MDH1B: variants seen among roughly 807,000 people sequenced by gnomAD.
The protein encoded by MDH1B is putative malate dehydrogenase 1B.
A neutral mutation model predicts 61.4 loss-of-function variants in MDH1B; 60 were observed. The ratio of observed to expected loss-of-function variants is 0.98; its 90% CI spans 0.79 to 1.21. The LOEUF is 1.21. Ranked by LOEUF, MDH1B falls within the 50% of genes most tolerant of loss-of-function variation. MDH1B has a pLI of 0.00. For synonymous variants in MDH1B, 236 were observed against 218.7 expected (o/e 1.08, Z -0.70); for missense variants, 587 against 632.1 (o/e 0.93, Z 0.76).
At chr2:206,744,267 T>C (rs560756263) in intron 9 of MDH1B, among the ~76,000 whole-genome samples, 3 of 152,350 alleles carry the variant, frequency 2.0e-5, no homozygotes, top group Admixed American at 6.5e-5. Context: ...GGCCAGCCTC[T>C]TGATGGACTG....
chr2:206,764,549 T>C (rs552579336), intron 1 of MDH1B, among the ~76,000 whole-genome samples: 1 of 152,318 alleles, frequency 6.6e-6, no homozygotes, highest in South Asian at 2.1e-4. Flanking sequence ...TGGATTGTTG[T>C]AATAAAAGCC....
chr2:206,744,316 C>T (rs201776381), intron 9 of MDH1B, among the ~76,000 whole-genome samples: 1 of 152,176 alleles, frequency 6.6e-6, no homozygotes, highest in East Asian at 1.9e-4. Context: ...ATCTCATTCA[C>T]CTCTGTATTT....
At chr2:206,744,874 G>A (rs900498495) in intron 9 of MDH1B, among the ~76,000 whole-genome samples, 2 of 151,946 alleles carry the variant, frequency 1.3e-5, no homozygotes, top group South Asian at 2.1e-4. Flanking sequence ...GTGGTGAGCC[G>A]AGATGGCACC....
At chr2:206,757,164 A>T in intron 3 of MDH1B, 73 bp downstream of exon 3, 2 of 1,532,016 alleles carry the variant, frequency 1.3e-6, no homozygotes, top group East Asian at 2.3e-5. Flanking sequence ...ATGTCTCAGA[A>T]AGCAAGATAT....
chr2:206,747,098 C>T (rs1688156898), intron 7 of MDH1B, among the ~76,000 whole-genome samples: 1 of 152,056 alleles, frequency 6.6e-6, no homozygotes, highest in Non-Finnish European at 1.5e-5. Flanking sequence ...GTTTCTGGTG[C>T]CTCGATCACA....
chr2:206,745,859 G>A (rs556803349), intron 8 of MDH1B, among the ~76,000 whole-genome samples, 186 bp from the exon 9 acceptor site: 2 of 150,766 alleles, frequency 1.3e-5, no homozygotes, highest in South Asian at 2.1e-4. Flanking sequence ...TCAGCCTCCC[G>A]AGTAGCTGGG....
chr2:206,746,806 C>T (rs1009716153), intron 7 of MDH1B, among the ~76,000 whole-genome samples: 4 of 152,124 alleles, frequency 2.6e-5, no homozygotes, highest in African/African-American at 9.7e-5. Context: ...ACAGCACTCA[C>T]ACAGCCAGAG....
chr2:206,745,563 C>G, intron 9 of MDH1B, 59 bp downstream of exon 9: 1 of 1,279,390 alleles, frequency 7.8e-7, no homozygotes, highest in Non-Finnish European at 1.1e-6. Context: ...TCAGTTATAA[C>G]AAATATTTTA....
rs1688074889 is a variant in MDH1B, at chr2:206,745,796, CA to C, written c.1357-124del. The C allele has an allele frequency of 4.5e-6, 3 of 661,380 alleles. No homozygotes were observed. In the East Asian group the frequency reaches 8.6e-5, roughly 19 times the overall value. 41.0% of individuals were successfully genotyped at this position (661,380 alleles called of 1,614,324 possible). On this transcript the variant is annotated intron_variant, in intron 8 of 11. Transcript: ENST00000374412. ...TTGCCCAGGCTGGAGTGCAGTGGCG[CA>C]ATCTCAGCTCACCACAACCTCTCCC... is the stretch of plus-strand genomic sequence containing the variant.
intron 5 of MDH1B, among the ~76,000 whole-genome samples, chr2:206,752,742 T>C (rs1688522761): frequency 6.6e-6 from 1 of 151,968 alleles, no homozygotes; most frequent in African/African-American, 2.4e-5. Context: ...CTACAGAGAA[T>C]GATAGTGGAC....
At chr2:206,738,594 T>C (rs1024711465) in intron 11 of MDH1B, 83 bp from the exon 12 acceptor site, 2 of 962,018 alleles carry the variant, frequency 2.1e-6, no homozygotes, top group Non-Finnish European at 3.2e-6. Flanking sequence ...TTTTGTTTGC[T>C]GGATTCCTGT....
At chr2:206,765,000 G>A (rs938151945) in intron 1 of MDH1B, among the ~76,000 whole-genome samples, 14 of 152,128 alleles carry the variant, frequency 9.2e-5, no homozygotes, top group African/African-American at 2.2e-4. Flanking sequence ...TAATCACACC[G>A]TATCAAAAGT....
intron 1 of MDH1B, among the ~76,000 whole-genome samples, chr2:206,761,611 T>C (rs1037296577): frequency 6.6e-6 from 1 of 152,092 alleles, no homozygotes; most frequent in Non-Finnish European, 1.5e-5. Flanking sequence ...TGGATATATA[T>C]GTATATGTAT....
chr2:206,760,601 A>T (rs1689033468), intron 2 of MDH1B, among the ~76,000 whole-genome samples: 1 of 152,206 alleles, frequency 6.6e-6, no homozygotes, highest in East Asian at 1.9e-4. Flanking sequence ...ATTGGAAATC[A>T]ATACCAAGGA....
chr2:206,763,571 A>G (rs572498893), intron 1 of MDH1B, among the ~76,000 whole-genome samples: 3 of 152,266 alleles, frequency 2.0e-5, no homozygotes, highest in African/African-American at 7.2e-5. Flanking sequence ...CTCCCCTTCT[A>G]AAAACCTTTC....
At chr2:206,748,933 G>A (rs985339484) in intron 7 of MDH1B, 87 bp downstream of exon 7, 4 of 1,157,508 alleles carry the variant, frequency 3.5e-6, no homozygotes, top group Middle Eastern at 4.1e-4. Context: ...CATGTTAAGA[G>A]CTAGATGGGT....
chr2:206,745,823 T>C, intron 8 of MDH1B, 150 bp from the exon 9 acceptor site: 1 of 598,984 alleles, frequency 1.7e-6, no homozygotes, highest in South Asian at 2.1e-5. Flanking sequence ...AACCTCTCCC[T>C]TCTTGGTTCA....
intron 6 of MDH1B, among the ~76,000 whole-genome samples, chr2:206,750,362 A>T (rs1057159074): frequency 7.7e-5 from 11 of 142,768 alleles, no homozygotes; most frequent in African/African-American, 2.8e-4. Context: ...TGAAAAACTG[A>T]GTTACAGAGA....
At chr2:206,746,037 T>G (rs1027277642) in intron 8 of MDH1B, among the ~76,000 whole-genome samples, 1 of 152,320 alleles carries the variant, frequency 6.6e-6, no homozygotes, top group South Asian at 2.1e-4. Context: ...AACTTAACTA[T>G]TCTTTAATAG....
Sources: allele counts gnomAD v4.1 joint callset (sites outside exome capture counted in the v4.1 genomes callset), GRCh38; gene constraint gnomAD v4.1.1; transcripts MANE v1.5; gene names NCBI Gene and HGNC (gene_info 2026-07-23, HGNC 2026-07-21).